AFF2: variants seen among roughly 807,000 people sequenced by gnomAD.
AFF2 encodes ALF transcription elongation factor 2, also known as AF4/FMR2 family member 2.
A neutral mutation model predicts 76.9 loss-of-function variants in AFF2; 14 were observed. That is an observed-to-expected ratio of 0.18 (90% CI 0.12 to 0.28). The LOEUF is 0.28. Among genes scored for constraint, AFF2 ranks in the 10% least tolerant of loss-of-function variants. The pLI, the probability that AFF2 is intolerant of heterozygous loss-of-function variation, is 1.00. For synonymous variants in AFF2, 398 were observed against 366.7 expected (o/e 1.09, Z -0.98); for missense variants, 868 against 1,001.1 (o/e 0.87, Z 1.79).
At chrX:148,759,331 T>C (rs2069413674) in intron 3 of AFF2, among the ~76,000 whole-genome samples, 1 of 112,393 alleles carries the variant, frequency 8.9e-6, no homozygotes, top group Non-Finnish European at 1.9e-5. Flanking sequence ...ACCATTCTAC[T>C]TTCTCTTAGG....
At chrX:148,847,567 T>C (rs1257387659) in intron 7 of AFF2, among the ~76,000 whole-genome samples, 4 of 111,767 alleles carry the variant, frequency 3.6e-5, no homozygotes, top group Non-Finnish European at 7.5e-5. Flanking sequence ...TGCCAACTTA[T>C]GGTATTAACT....
At chrX:148,671,681 A>G (rs890672578) in intron 3 of AFF2, among the ~76,000 whole-genome samples, 10 of 111,412 alleles carry the variant, frequency 9.0e-5, no homozygotes, top group Non-Finnish European at 1.9e-4. Flanking sequence ...ACAGTTTCTG[A>G]CTTTGTAAGA....
chrX:148,718,996 T>G, intron 3 of AFF2: 15 of 862,228 alleles, frequency 1.7e-5, no homozygotes, highest in Non-Finnish European at 2.3e-5. Context: ...GAGTTTAAAT[T>G]GAGATGATGT....
intron 7 of AFF2, among the ~76,000 whole-genome samples, chrX:148,867,243 C>T (rs990616601): frequency 8.9e-6 from 1 of 112,284 alleles, no homozygotes; most frequent in Non-Finnish European, 1.9e-5. Flanking sequence ...AACGCATTCC[C>T]GTCATTTGGA....
chrX:148,581,627 C>T (rs972704451), intron 1 of AFF2, among the ~76,000 whole-genome samples: 2 of 105,538 alleles, frequency 1.9e-5, no homozygotes, highest in Non-Finnish European at 3.9e-5. Context: ...TATACGTATA[C>T]GTATACGTGT....
At chrX:148,625,447 C>T (rs1354760694) in intron 1 of AFF2, among the ~76,000 whole-genome samples, 3 of 110,836 alleles carry the variant, frequency 2.7e-5, no homozygotes, top group Non-Finnish European at 5.7e-5. Context: ...CTTCAAAGGA[C>T]AGGAGAGTGG....
intron 14 of AFF2, 60 bp downstream of exon 14, chrX:148,967,139 A>G (rs2072189748): frequency 1.7e-6 from 2 of 1,181,890 alleles, no homozygotes; most frequent in Non-Finnish European, 2.3e-6. Flanking sequence ...TGGGGGTAGC[A>G]TGGCTTTTCT....
At chrX:148,520,234 C>T (rs782285290) in intron 1 of AFF2, among the ~76,000 whole-genome samples, 5 of 112,173 alleles carry the variant, frequency 4.5e-5, no homozygotes, top group African/African-American at 6.5e-5. Flanking sequence ...AAATGAAATA[C>T]ATGTGTTTCT....
intron 3 of AFF2, among the ~76,000 whole-genome samples, chrX:148,790,865 G>C (rs1281609785): frequency 8.9e-6 from 1 of 111,751 alleles, no homozygotes; most frequent in African/African-American, 3.3e-5. Context: ...AAAAGATTGA[G>C]GGAGCATTTT....
At chrX:148,822,833 G>A (rs1420073390) in intron 4 of AFF2, among the ~76,000 whole-genome samples, 1 of 110,143 alleles carries the variant, frequency 9.1e-6, no homozygotes, top group African/African-American at 3.3e-5. Flanking sequence ...GACTCATCCT[G>A]CTCTTTTCCT....
chrX:148,926,707 A>G, intron 9 of AFF2, among the ~76,000 whole-genome samples: 1 of 112,229 alleles, frequency 8.9e-6, no homozygotes. Context: ...TCCTGCCCAC[A>G]TTAAAGCATT....
intron 9 of AFF2, among the ~76,000 whole-genome samples, chrX:148,944,682 G>A (rs782179631): frequency 2.7e-5 from 3 of 110,628 alleles, no homozygotes; most frequent in Non-Finnish European, 5.7e-5. Context: ...TATGCAAATT[G>A]CAATGCTTTG....
At chrX:148,743,776 G>T (rs1484390672) in intron 3 of AFF2, among the ~76,000 whole-genome samples, 2 of 110,901 alleles carry the variant, frequency 1.8e-5, no homozygotes, top group Non-Finnish European at 3.8e-5. Flanking sequence ...TCAGAGTAGG[G>T]TGTAATAGTT....
intron 3 of AFF2, among the ~76,000 whole-genome samples, chrX:148,675,808 G>A (rs782643528): frequency 9.1e-6 from 1 of 109,593 alleles, no homozygotes; most frequent in Non-Finnish European, 1.9e-5. Context: ...TTGAATAAAT[G>A]TGGCCTTCAG....
chrX:148,876,429 G>T (rs1415000327), intron 7 of AFF2, among the ~76,000 whole-genome samples: 1 of 111,550 alleles, frequency 9.0e-6, no homozygotes, highest in Non-Finnish European at 1.9e-5. Context: ...TGAGGACTCT[G>T]AATATTGGCT....
chrX:148,937,251 C>T (rs1445558234), intron 9 of AFF2, among the ~76,000 whole-genome samples: 1 of 112,189 alleles, frequency 8.9e-6, no homozygotes, highest in Non-Finnish European at 1.9e-5. Flanking sequence ...AGAAAATCTT[C>T]TAGCCCTAAA....
rs781984413 is a variant in AFF2 at position 148,956,482 on chromosome X, G to A, written c.2437G>A (p.Val813Ile). 4 of 1,210,254 alleles carry A rather than the reference G, an allele frequency of 3.3e-6. No individual in the cohort carries two copies. Among genetic ancestry groups the A allele is most frequent in the East Asian group, 5.9e-5 (2 of 33,772 alleles). ...VKIDLDLLSR[V>I]PGHSSLHAAP... The stretch of plus-strand genomic sequence containing the variant: ...GATTGACCTTGACTTACTCTCTAGA[G>A]TACCTGGCCACAGCTCACTCCATGC... The change falls in exon 11 of 21, where the codon GTA becomes ATA. Residue 813 changes from valine to isoleucine, a missense_variant. Physicochemically the swap from Val to Ile is conservative, Grantham distance 29. Coordinates refer to ENST00000370460, the MANE Select transcript of AFF2 (RefSeq NM_002025.4).
intron 3 of AFF2, among the ~76,000 whole-genome samples, chrX:148,748,786 G>C (rs2055458733): frequency 8.9e-6 from 1 of 111,840 alleles, no homozygotes; most frequent in Non-Finnish European, 1.9e-5. Flanking sequence ...GCAGGCCATA[G>C]TGGGGACGGG....
chrX:148,946,029 T>A (rs1015997629), intron 9 of AFF2, among the ~76,000 whole-genome samples: 2 of 112,400 alleles, frequency 1.8e-5, no homozygotes, highest in Middle Eastern at 4.6e-3. Context: ...TGATTAGTTG[T>A]GAGTCAAACA....
Sources: gnomAD v4.1 joint callset for allele counts (sites outside exome capture counted in the v4.1 genomes callset) on GRCh38, gnomAD v4.1.1 for gene constraint, MANE v1.5 for transcripts, NCBI Gene and HGNC (gene_info 2026-07-23, HGNC 2026-07-21) for gene names.